Variants in LPP observed in about 807,000 individuals in gnomAD.
LPP encodes the protein LIM domain containing preferred translocation partner in lipoma.
In LPP, 38 loss-of-function variants were observed where a neutral mutation model predicts 60.4. The ratio of observed to expected loss-of-function variants is 0.63; its 90% CI spans 0.49 to 0.83. The LOEUF (loss-of-function observed/expected upper bound fraction) is 0.83. Ranked by LOEUF, LPP falls within the 40% of genes least tolerant of loss-of-function variation. The pLI, the probability that LPP is intolerant of heterozygous loss-of-function variation, is 0.00. For synonymous variants in LPP, 328 were observed against 290.8 expected, an observed-to-expected ratio of 1.13 and a Z score of -1.30; for missense variants, 902 against 783.6, an observed-to-expected ratio of 1.15 and a Z score of -1.80.
chr3:188,545,648 T>G (rs1826437804), intron 6 of LPP, among the ~76,000 whole-genome samples: 1 of 152,122 alleles, frequency 6.6e-6, no homozygotes, highest in Non-Finnish European at 1.5e-5. Context: ...CGACTAGAGT[T>G]GTGTGTCAGG....
intron 1 of LPP, among the ~76,000 whole-genome samples, chr3:188,163,226 A>T (rs1168504560): frequency 1.3e-5 from 2 of 152,158 alleles, no homozygotes; most frequent in Non-Finnish European, 2.9e-5. Context: ...TCTGTAGTTC[A>T]AATGGAAAGC....
intron 3 of LPP, among the ~76,000 whole-genome samples, chr3:188,344,758 G>A (rs1335070464): frequency 1.3e-5 from 2 of 152,124 alleles, no homozygotes; most frequent in Non-Finnish European, 2.9e-5. Flanking sequence ...GTAAGAATGG[G>A]CATTTATACA....
intron 6 of LPP, among the ~76,000 whole-genome samples, chr3:188,585,980 T>C (rs189481485): frequency 6.6e-6 from 1 of 152,336 alleles, no homozygotes; most frequent in East Asian, 1.9e-4. Context: ...TGGCAGGCTT[T>C]CTGGAAAGGG....
At chr3:188,378,745 A>G (rs1422007954) in intron 3 of LPP, among the ~76,000 whole-genome samples, 1 of 152,154 alleles carries the variant, frequency 6.6e-6, no homozygotes, top group African/African-American at 2.4e-5. Context: ...GGCACTCCCC[A>G]GTGAGATGAA....
chr3:188,623,760 C>T (rs1343950183), intron 7 of LPP, among the ~76,000 whole-genome samples: 2 of 152,194 alleles, frequency 1.3e-5, no homozygotes, highest in African/African-American at 4.8e-5. Context: ...AAGTCTTAAA[C>T]CTAGTTATCT....
At chr3:188,603,754 A>T (rs1015193609) in intron 6 of LPP, among the ~76,000 whole-genome samples, 2 of 152,094 alleles carry the variant, frequency 1.3e-5, no homozygotes, top group Non-Finnish European at 2.9e-5. Context: ...TCTTCAAATA[A>T]CTCAAATAAT....
intron 3 of LPP, among the ~76,000 whole-genome samples, chr3:188,381,695 C>T (rs1776943297): frequency 6.6e-6 from 1 of 152,160 alleles, no homozygotes; most frequent in African/African-American, 2.4e-5. Flanking sequence ...GTTGTTTGAG[C>T]TTTTCACTTT....
At chr3:188,164,717 T>C (rs1286143037) in intron 1 of LPP, among the ~76,000 whole-genome samples, 1 of 152,170 alleles carries the variant, frequency 6.6e-6, no homozygotes, top group African/African-American at 2.4e-5. Flanking sequence ...AAGTCTCTCT[T>C]CTTGGTCATA....
chr3:188,204,080 A>G (rs73887381), intron 1 of LPP, among the ~76,000 whole-genome samples: 2 of 152,146 alleles, frequency 1.3e-5, no homozygotes, highest in South Asian at 2.1e-4. Flanking sequence ...CCATACCCCA[A>G]TCAGAAAACA....
intron 5 of LPP, among the ~76,000 whole-genome samples, chr3:188,498,402 A>G (rs1042191767): frequency 1.3e-5 from 2 of 152,108 alleles, no homozygotes; most frequent in Admixed American, 1.3e-4. Flanking sequence ...CTCTGTCTCT[A>G]AGATTTTAAC....
intron 9 of LPP, among the ~76,000 whole-genome samples, chr3:188,818,501 C>T (rs1214643983): frequency 2.0e-5 from 3 of 152,176 alleles, no homozygotes; most frequent in African/African-American, 4.8e-5. Flanking sequence ...TGGACTTTCA[C>T]GGTTCCATGT....
chr3:188,705,066 G>A (rs1865216333), intron 7 of LPP, among the ~76,000 whole-genome samples: 2 of 152,128 alleles, frequency 1.3e-5, no homozygotes, highest in African/African-American at 4.8e-5. Context: ...GTCATGTCTA[G>A]CATATCTTTA....
chr3:188,308,644 T>C (rs1271729772), intron 2 of LPP, among the ~76,000 whole-genome samples: 1 of 152,200 alleles, frequency 6.6e-6, no homozygotes, highest in East Asian at 1.9e-4. Flanking sequence ...TGTGTCACGA[T>C]GAAGCAACTA....
At chr3:188,707,852 C>A (rs529563910) in intron 7 of LPP, among the ~76,000 whole-genome samples, 1 of 152,142 alleles carries the variant, frequency 6.6e-6, no homozygotes, top group Non-Finnish European at 1.5e-5. Context: ...GAGGTCCCAC[C>A]TTATACCCTT....
chr3:188,157,900 A>G (rs986905333), intron 1 of LPP, among the ~76,000 whole-genome samples: 1 of 152,188 alleles, frequency 6.6e-6, no homozygotes, highest in Non-Finnish European at 1.5e-5. Flanking sequence ...TAGCAGATGC[A>G]GAAGCAGGGA....
chr3:188,584,428 CAAA>C (rs1560596957), intron 6 of LPP: 1 of 152,032 alleles, frequency 6.6e-6, no homozygotes, highest in Non-Finnish European at 1.5e-5. Flanking sequence ...TTAAAACTGA[CAAA>C]GAAGGTTCTC....
intron 1 of LPP, among the ~76,000 whole-genome samples, chr3:188,189,335 A>C (rs1727491911): frequency 6.6e-6 from 1 of 152,108 alleles, no homozygotes; most frequent in African/African-American, 2.4e-5. Context: ...TGAGCCTCCT[A>C]CCTTGGCCTC....
intron 1 of LPP, among the ~76,000 whole-genome samples, chr3:188,213,931 A>G (rs1712339838): frequency 6.9e-6 from 1 of 145,538 alleles, no homozygotes. Context: ...TGCCCATTCA[A>G]AGGTGAGTCC....
At chr3:188,783,399 T>G (rs1038770378) in intron 9 of LPP, among the ~76,000 whole-genome samples, 1 of 152,200 alleles carries the variant, frequency 6.6e-6, no homozygotes, top group Non-Finnish European at 1.5e-5. Context: ...ATCATGTATT[T>G]TGCAGGAACA....
Sources: gnomAD v4.1 joint callset for allele counts (sites outside exome capture counted in the v4.1 genomes callset) on GRCh38, gnomAD v4.1.1 for gene constraint, MANE v1.5 for transcripts, NCBI Gene and HGNC (gene_info 2026-07-23, HGNC 2026-07-21) for gene names.